The following HEXA variants were observed in gnomAD, a reference collection of about 807,000 sequenced individuals.
HEXA encodes the protein beta-hexosaminidase subunit alpha.
In HEXA, 54 loss-of-function variants were observed where a neutral mutation model predicts 73.3. That is an observed-to-expected ratio of 0.74 (90% CI 0.59 to 0.92). HEXA has a LOEUF of 0.92. HEXA is among the 40% of genes least tolerant of loss of function. HEXA has a pLI of 0.00. For missense variants in HEXA, 649 were observed against 653.0 expected (o/e 0.99, Z 0.07); for synonymous variants, 230 against 246.9 (o/e 0.93, Z 0.64).
intron 1 of HEXA, chr15:72,357,885 A>C (rs2088806127): frequency 6.6e-6 from 1 of 152,140 alleles, no homozygotes; most frequent in African/African-American, 2.4e-5. Context: ...TCTTTCCCTT[A>C]CCAGTAAATA....
intron 4 of HEXA, among the ~76,000 whole-genome samples, 176 bp downstream of exon 4, chr15:72,353,515 C>A (rs535240956): frequency 4.6e-5 from 7 of 152,330 alleles, no homozygotes; most frequent in African/African-American, 1.2e-4. Context: ...TACAGTGATT[C>A]CAAACAGACC....
At position 72,351,079 on chromosome 15, in the gene HEXA, A is replaced by C; in HGVS notation, c.672+54T>G. 9.4e-6 allele frequency: 11 copies of C among 1,169,644 alleles called. No homozygotes were observed. In the South Asian group the frequency reaches 1.3e-4, roughly 14 times the overall value. 72.5% of individuals were successfully genotyped at this position (1,169,644 alleles called of 1,614,324 possible). A position where few individuals can be genotyped will look rare whatever the true frequency, so the allele number is the denominator to read the frequency against. ...ACCCTGTTCTTGCCAGCAGGGCCACAGCCAGATTCAGACATTGACCCATAA... is the reference window on the plus strand; with the variant it reads ...ACCCTGTTCTTGCCAGCAGGGCCACCGCCAGATTCAGACATTGACCCATAA... On this transcript the variant is annotated intron_variant, in intron 6 of 13. Coordinates refer to ENST00000268097, the MANE Select transcript of HEXA (RefSeq NM_000520.6).
rs916204955 is a variant in HEXA, at chr15:72,350,541, C to T, written c.782G>A (p.Gly261Asp). The change falls in exon 7 of 14, where the codon GGC becomes GAC. Residue 261 changes from glycine to aspartate, a missense_variant. Physicochemically the swap from Gly to Asp is moderately conservative, Grantham distance 94. Coordinates refer to ENST00000268097, the MANE Select transcript of HEXA (RefSeq NM_000520.6). ...ACCTGGTCCCCAGGACAAAGTGTGG[C>T]CAGGAGTGTCAAACTCTGCAAGCAC... ...IRVLAEFDTP[G>D]HTLSWGPGIP... 6.2e-7 allele frequency: 1 copy of T among 1,614,082 alleles called. No individual in the cohort carries two copies. The highest frequency in any genetic ancestry group is 8.5e-7 in the Non-Finnish European group (1 of 1,180,002).
intron 1 of HEXA, among the ~76,000 whole-genome samples, chr15:72,374,920 C>T (rs1349788741): frequency 6.6e-6 from 1 of 152,110 alleles, no homozygotes; most frequent in Non-Finnish European, 1.5e-5. Context: ...AATCATAATT[C>T]TTTGTGCCTC....
chr15:72,345,045 C>A (rs2088591590), intron 13 of HEXA, among the ~76,000 whole-genome samples: 1 of 152,200 alleles, frequency 6.6e-6, no homozygotes, highest in South Asian at 2.1e-4. Flanking sequence ...CCACAAAATA[C>A]AGTTGTCCCT....
chr15:72,358,062 A>AATCT lies in HEXA; in HGVS notation c.254-1449_254-1446dup, dbSNP rs1456402789. Reference sequence around the variant, plus strand: ...AAGGCAAAGACCACACTCAAGGCAGAATCTGCAGGGCCATCCAAGCAGACA... The same window carrying AATCT: ...AAGGCAAAGACCACACTCAAGGCAGAATCTATCTGCAGGGCCATCCAAGCAGACA... On this transcript the variant is annotated intron_variant, in intron 1 of 13. Coordinates refer to ENST00000268097, the MANE Select transcript of HEXA (RefSeq NM_000520.6). 3 of 152,412 alleles carry AATCT rather than the reference A, an allele frequency of 2.0e-5. 1 individual carries two copies. Among genetic ancestry groups the AATCT allele is most frequent in the South Asian group, 4.1e-4 (2 of 4,830 alleles). The allele number at this position is 152,412 out of a possible 1,614,324, so 9.4% of individuals were successfully genotyped here. A position where few individuals can be genotyped will look rare whatever the true frequency, so the allele number is the denominator to read the frequency against.
intron 12 of HEXA, chr15:72,346,025 A>G: frequency 1.7e-6 from 1 of 605,894 alleles, no homozygotes; most frequent in Non-Finnish European, 3.0e-6. Flanking sequence ...CCTATCCCAC[A>G]TACCAAAGGG....
chr15:72,345,693 G>T, intron 12 of HEXA, 143 bp from the exon 13 acceptor site: 2 of 1,424,980 alleles, frequency 1.4e-6, no homozygotes, highest in Non-Finnish European at 1.9e-6. Flanking sequence ...ATGAGCCACA[G>T]CCAGGTTGGA....
intron 2 of HEXA, 92 bp downstream of exon 2, chr15:72,356,433 G>T: frequency 7.2e-7 from 1 of 1,396,750 alleles, no homozygotes; most frequent in Non-Finnish European, 1.0e-6. Flanking sequence ...GGGACTCCAG[G>T]CCGAGCATCA....
Position 72,340,977 on chromosome 15 carries a change from T to A in HEXA, c.*3100A>T, listed in dbSNP as rs2088550073. 1 of 152,024 alleles carries A rather than the reference T, an allele frequency of 6.6e-6. No individual in the cohort carries two copies. Among genetic ancestry groups the A allele is most frequent in the African/African-American group, 2.4e-5 (1 of 41,392 alleles). 9.4% of individuals were successfully genotyped at this position (152,024 alleles called of 1,614,324 possible). On this transcript the variant is annotated 3_prime_UTR_variant, in exon 14 of 14. Transcript: ENST00000268097. The stretch of plus-strand genomic sequence containing the variant: ...TTATTTATAAAGGAAATACAAATTT[T>A]GATAAACAAAGCACCCAATTCCTAC...
At chr15:72,350,085 G>A in intron 7 of HEXA, 1 of 255,812 alleles carries the variant, frequency 3.9e-6, no homozygotes, top group Non-Finnish European at 7.7e-6. Flanking sequence ...TTTTCTATCA[G>A]GCCAGTAGCC....
At chr15:72,372,348 CAA>C (rs59888548) in intron 1 of HEXA, among the ~76,000 whole-genome samples, 10,665 of 134,230 alleles carry the variant, frequency 0.079, 505 homozygotes, top group East Asian at 0.14. Context: ...GACTCCATCT[CAA>C]AAAAAAAAAA....
chr15:72,340,981 A>C lies in HEXA; in HGVS notation c.*3096T>G, dbSNP rs2088550147. 6.6e-6 allele frequency: 1 copy of C among 152,146 alleles called. No individual in the cohort carries two copies. Among genetic ancestry groups the C allele is most frequent in the African/African-American group, 2.4e-5 (1 of 41,432 alleles). 9.4% of individuals were successfully genotyped at this position (152,146 alleles called of 1,614,324 possible). On this transcript the variant is annotated 3_prime_UTR_variant, in exon 14 of 14. Coordinates refer to ENST00000268097, the MANE Select transcript of HEXA (RefSeq NM_000520.6). ...TTATAAAGGAAATACAAATTTTGAT[A>C]AACAAAGCACCCAATTCCTACTTAT...
Position 72,356,507 on chromosome 15 carries a change from G to A in HEXA, c.346+18C>T. ...CAAGTGTTTGCTCTTCTAAGACAGGGAACAGGATGGTACTTACAATTCTCC... is the reference window on the plus strand; with the variant it reads ...CAAGTGTTTGCTCTTCTAAGACAGGAAACAGGATGGTACTTACAATTCTCC... On this transcript the variant is annotated intron_variant, in intron 2 of 13. Transcript: ENST00000268097. 6.2e-7 allele frequency: 1 copy of A among 1,613,540 alleles called. No individual in the cohort carries two copies. Among genetic ancestry groups the A allele is most frequent in the Non-Finnish European group, 8.5e-7 (1 of 1,179,752 alleles).
At chr15:72,345,808 A>G in intron 12 of HEXA, 1 of 565,276 alleles carries the variant, frequency 1.8e-6, no homozygotes, top group Non-Finnish European at 3.2e-6. Flanking sequence ...ATAAACCTTA[A>G]AGCCATCATT....
At chr15:72,364,430 T>C (rs771331561) in intron 1 of HEXA, among the ~76,000 whole-genome samples, 2 of 152,236 alleles carry the variant, frequency 1.3e-5, no homozygotes, top group Non-Finnish European at 2.9e-5. Flanking sequence ...ATAATTCCAA[T>C]GATGAGATAT....
intron 1 of HEXA, among the ~76,000 whole-genome samples, chr15:72,374,335 G>A (rs937262304): frequency 2.0e-5 from 3 of 152,150 alleles, no homozygotes; most frequent in African/African-American, 7.2e-5. Flanking sequence ...AGAGGAAAAT[G>A]TGATCTACCA....
chr15:72,361,972 G>A (rs920906263), intron 1 of HEXA, among the ~76,000 whole-genome samples: 2 of 152,182 alleles, frequency 1.3e-5, no homozygotes, highest in Non-Finnish European at 2.9e-5. Context: ...AGAATATGAA[G>A]ATAAGAGCAT....
chr15:72,367,308 C>T (rs1460748500), intron 1 of HEXA, among the ~76,000 whole-genome samples: 4 of 152,116 alleles, frequency 2.6e-5, no homozygotes, highest in Non-Finnish European at 5.9e-5. Context: ...AATGGCAGCA[C>T]GAGTGAATGA....
Sources: gnomAD v4.1 joint callset for allele counts (sites outside exome capture counted in the v4.1 genomes callset) on GRCh38, gnomAD v4.1.1 for gene constraint, MANE v1.5 for transcripts, NCBI Gene and HGNC (gene_info 2026-07-23, HGNC 2026-07-21) for gene names.